SEMA4D: variants seen among roughly 807,000 people sequenced by gnomAD.
The protein encoded by SEMA4D is semaphorin 4D.
Under a neutral mutation model 74.8 loss-of-function variants are expected in SEMA4D, and 22 were observed. The ratio of observed to expected loss-of-function variants is 0.29; its 90% CI spans 0.21 to 0.42. The LOEUF (loss-of-function observed/expected upper bound fraction) is 0.42, where lower values mean the gene tolerates loss of function less well. SEMA4D is among the 10% of genes least tolerant of loss of function. The probability of loss-of-function intolerance (pLI) is 1.00; values close to 1 mark genes in which losing one functional copy is unlikely to be tolerated. For missense variants in SEMA4D, 937 were observed against 1,118.4 expected (o/e 0.84, Z 2.31); for synonymous variants, 445 against 463.7 (o/e 0.96, Z 0.52).
chr9:89,381,396 G>A lies in SEMA4D; in HGVS notation c.1447-50C>T. 1 of 1,437,784 alleles carries A rather than the reference G, an allele frequency of 7.0e-7. No homozygotes were observed. The highest frequency in any genetic ancestry group is 9.2e-7 in the Non-Finnish European group (1 of 1,087,730). 89.1% of individuals were successfully genotyped at this position (1,437,784 alleles called of 1,614,324 possible). On this transcript the variant is annotated intron_variant, in intron 13 of 15. Coordinates refer to ENST00000422704, the MANE Select transcript of SEMA4D (RefSeq NM_001371194.2). The surrounding 1 kb of genome is among the most constrained non-coding windows in gnomAD (Gnocchi z 4.6). ...CTAGCATCAGGCAAGCAGGCATCCA[G>A]GAGCATGGCCTCTGCTTCTGCACCA...
At chr9:89,406,837 ACACC>A (rs769211224) in intron 2 of SEMA4D, among the ~76,000 whole-genome samples, 129 of 152,054 alleles carry the variant, frequency 8.5e-4, no homozygotes, top group Non-Finnish European at 1.3e-3. Flanking sequence ...GCCGCCTTCC[ACACC>A]CAGCCAGACA....
At chr9:89,386,060 A>C in intron 13 of SEMA4D, 1 of 985,440 alleles carries the variant, frequency 1.0e-6, no homozygotes, top group Non-Finnish European at 1.2e-6. Context: ...AGGGCATAAA[A>C]AGGTGTCTTC....
In SEMA4D at chr9:89,405,591, G is replaced by A. The variant is rs1005460926; in HGVS notation, c.-135C>T. The A allele has an allele frequency of 3.4e-5, 49 of 1,461,772 alleles. No individual in the cohort carries two copies. The highest frequency in any genetic ancestry group is 9.9e-5 in the African/African-American group (7 of 70,914). 90.6% of individuals were successfully genotyped at this position (1,461,772 alleles called of 1,614,324 possible). On this transcript the variant is annotated 5_prime_UTR_variant, in exon 3 of 16. Transcript: ENST00000422704. ...GCACAGCCTGGAGCTCGTGAACAGC[G>A]CGGTCCCTGAGAATCCACATTTCCC... is the stretch of plus-strand genomic sequence containing the variant.
chr9:89,393,771 G>A (rs1044174404), intron 6 of SEMA4D, 116 bp from the exon 7 acceptor site: 28 of 750,658 alleles, frequency 3.7e-5, no homozygotes, highest in South Asian at 9.6e-5. Flanking sequence ...CAACAGGGCC[G>A]AGCAGATAGG....
chr9:89,419,719 C>T (rs1049301248), intron 2 of SEMA4D, among the ~76,000 whole-genome samples: 7 of 152,054 alleles, frequency 4.6e-5, no homozygotes, highest in Admixed American at 1.3e-4. Flanking sequence ...TCAAGACCAG[C>T]TTGACCAACA....
At chr9:89,404,188 G>A (rs1166611404) in intron 3 of SEMA4D, among the ~76,000 whole-genome samples, 1 of 152,218 alleles carries the variant, frequency 6.6e-6, no homozygotes, top group East Asian at 1.9e-4. Context: ...AGCAGGAAAG[G>A]AAAGTAGCTG....
At chr9:89,445,744 C>G (rs996994906) in intron 2 of SEMA4D, among the ~76,000 whole-genome samples, 2 of 152,186 alleles carry the variant, frequency 1.3e-5, no homozygotes, top group African/African-American at 4.8e-5. Context: ...GAAGCCGGGT[C>G]TTTTTGTTCT....
chr9:89,465,306 A>C (rs1263496926), intron 1 of SEMA4D, among the ~76,000 whole-genome samples: 1 of 152,184 alleles, frequency 6.6e-6, no homozygotes, highest in Non-Finnish European at 1.5e-5. Flanking sequence ...ATTGCTGGCC[A>C]CTCAGCCCAG....
chr9:89,406,118 G>A (rs1000721763), intron 2 of SEMA4D, among the ~76,000 whole-genome samples: 11 of 152,214 alleles, frequency 7.2e-5, no homozygotes, highest in African/African-American at 2.2e-4. Flanking sequence ...GCTCAGCGAG[G>A]AAACGGCCAG....
exon 19 of SEMA4D, chr9:89,362,246 C>T: frequency 7.8e-7 from 1 of 1,283,688 alleles, no homozygotes; most frequent in Non-Finnish European, 1.1e-6. Context: ...CCCGCCTCTG[C>T]CCATCAGGTG....
intron 2 of SEMA4D, among the ~76,000 whole-genome samples, chr9:89,447,733 C>G (rs1167497292): frequency 5.9e-5 from 9 of 151,652 alleles, no homozygotes; most frequent in Admixed American, 6.6e-5. Context: ...CCCCACCCAC[C>G]ACCTCCTCTC....
intron 1 of SEMA4D, among the ~76,000 whole-genome samples, chr9:89,459,982 C>T (rs1400015288): frequency 6.6e-6 from 1 of 152,230 alleles, no homozygotes; most frequent in Non-Finnish European, 1.5e-5. Context: ...CCAGAAACAA[C>T]TGCTACAAAA....
chr9:89,443,131 G>GC (rs1564805581), intron 2 of SEMA4D, among the ~76,000 whole-genome samples: 1 of 152,202 alleles, frequency 6.6e-6, no homozygotes, highest in Non-Finnish European at 1.5e-5. Flanking sequence ...CCAGAGCCCA[G>GC]CCCCATCAGG....
At chr9:89,421,723 G>A (rs1847001469) in intron 2 of SEMA4D, among the ~76,000 whole-genome samples, 1 of 152,202 alleles carries the variant, frequency 6.6e-6, no homozygotes, top group South Asian at 2.1e-4. Context: ...GCGCTGTTCA[G>A]TAAAAAGTAA....
intron 2 of SEMA4D, among the ~76,000 whole-genome samples, chr9:89,451,347 C>T (rs562392778): frequency 6.6e-6 from 1 of 152,304 alleles, no homozygotes; most frequent in South Asian, 2.1e-4. Flanking sequence ...GAAGCAATTC[C>T]CATCTATGAA....
chr9:89,388,800 G>A lies in SEMA4D; in HGVS notation c.951-8C>T. ...GACAGCCCCACGTTGTTCCTGGGGA[G>A]GGGAAAGAGGTGACGGGACCACCTG... On this transcript the variant is annotated splice_polypyrimidine_tract_variant and splice_region_variant and intron_variant, in intron 10 of 15. Transcript: ENST00000422704. The A allele has an allele frequency of 1.2e-6, 2 of 1,604,968 alleles. No individual in the cohort carries two copies. Among genetic ancestry groups the A allele is most frequent in the South Asian group, 1.1e-5 (1 of 90,954 alleles).
At chr9:89,415,768 C>A (rs181099302) in intron 2 of SEMA4D, among the ~76,000 whole-genome samples, 224 of 151,578 alleles carry the variant, frequency 1.5e-3, no homozygotes, top group African/African-American at 5.3e-3. Flanking sequence ...CCTGAGCTGA[C>A]TGAGACAGTG....
chr9:89,405,432 C>G lies in SEMA4D; in HGVS notation c.25G>C (p.Gly9Arg), dbSNP rs1843135913. 6.2e-7 allele frequency: 1 copy of G among 1,613,978 alleles called. No individual in the cohort carries two copies. Among genetic ancestry groups the G allele is most frequent in the Non-Finnish European group, 8.5e-7 (1 of 1,180,024 alleles). The change falls in exon 3 of 16, where the codon GGG (glycine) becomes CGG (arginine). Residue 9 changes from glycine (G) to arginine (R), a missense_variant. By Grantham distance (125) the Gly-to-Arg change is moderately radical. Coordinates refer to ENST00000422704, the MANE Select transcript of SEMA4D (RefSeq NM_001371194.2). MRMCTPIR[G>R]LLMALAVMFG... is the part of the protein sequence containing the mutation. ...ATCACTGCAAGGGCCATGAGCAGCCCCCTAATGGGGGTGCACATCCTCATC... is the reference window on the plus strand; with the variant it reads ...ATCACTGCAAGGGCCATGAGCAGCCGCCTAATGGGGGTGCACATCCTCATC...
chr9:89,444,492 T>C (rs1009607379), intron 2 of SEMA4D, among the ~76,000 whole-genome samples: 1 of 152,022 alleles, frequency 6.6e-6, no homozygotes, highest in African/African-American at 2.4e-5. Context: ...GGATGGAGGA[T>C]CCCCAGACGG....
Sources: allele counts gnomAD v4.1 joint callset (sites outside exome capture counted in the v4.1 genomes callset), GRCh38; gene constraint gnomAD v4.1.1; non-coding constraint Gnocchi (gnomAD v3.1); transcripts MANE v1.5; gene names NCBI Gene and HGNC (gene_info 2026-07-23, HGNC 2026-07-21).